Variants in LSS observed in about 807,000 individuals in gnomAD.
LSS encodes the protein 2,3-epoxysqualene-lanosterol cyclase.
A neutral mutation model predicts 110.3 loss-of-function variants in LSS; 90 were observed. The ratio of observed to expected loss-of-function variants is 0.82; its 90% confidence interval spans 0.69 to 0.97. The LOEUF is 0.97. Among genes scored for constraint, LSS ranks in the 50% least tolerant of loss-of-function variants. LSS has a pLI of 0.00. For synonymous variants in LSS, 433 were observed against 400.0 expected, an observed-to-expected ratio of 1.08 and a Z score of -0.98; for missense variants, 927 against 990.0, an observed-to-expected ratio of 0.94 and a Z score of 0.85.
chr21:46,192,005 C>T, intron 20 of LSS, 46 bp from the exon 21 acceptor site: 8 of 1,346,286 alleles, frequency 5.9e-6, no homozygotes, highest in African/African-American at 1.4e-5. Flanking sequence ...CATGCCCCCA[C>T]AGCATCATCC....
In LSS at chr21:46,190,756, G is replaced by T. The variant is rs1034136621; in HGVS notation, c.*348C>A. On this transcript the variant is annotated 3_prime_UTR_variant, in exon 22 of 22. Transcript: ENST00000397728. This position sits in a 1 kb window ranked among gnomAD's most constrained non-coding sequence, Gnocchi z 4.6. ...ACAGGCACAGCTGCTCCTCTCCCAA[G>T]AACTCAGCTATTGGTCAGAAAAAAC... The T allele has an allele frequency of 1.9e-5, 5 of 268,352 alleles. No individual in the cohort carries two copies. The highest frequency in any genetic ancestry group is 6.3e-5 in the South Asian group (1 of 15,860). 16.6% of individuals were successfully genotyped at this position (268,352 alleles called of 1,614,324 possible).
chr21:46,213,932 A>T, intron 9 of LSS, 97 bp from the exon 10 acceptor site: 1 of 842,252 alleles, frequency 1.2e-6, no homozygotes, highest in Non-Finnish European at 2.0e-6. Context: ...CCCAGGCATA[A>T]AGTGCCGTGC....
rs972916211 is a variant in LSS at position 46,189,334 on chromosome 21, G to C, written c.*1770C>G. On this transcript the variant is annotated 3_prime_UTR_variant, in exon 22 of 22. Transcript: ENST00000397728. ...TCTGTCCTGCTGCTACCCCACGTGGGGGAGAACACGTGGGCTGAGAAAAAA... is the reference window on the plus strand; with the variant it reads ...TCTGTCCTGCTGCTACCCCACGTGGCGGAGAACACGTGGGCTGAGAAAAAA... The C allele has an allele frequency of 3.6e-6, 1 of 278,448 alleles. No individual in the cohort carries two copies. Among genetic ancestry groups the C allele is most frequent in the Admixed American group, 5.0e-5 (1 of 19,860 alleles). 17.2% of individuals were successfully genotyped at this position (278,448 alleles called of 1,614,324 possible). A position where few individuals can be genotyped will look rare whatever the true frequency, so the allele number is the denominator to read the frequency against.
intron 21 of LSS, among the ~76,000 whole-genome samples, chr21:46,191,634 C>T (rs994658277): frequency 6.6e-6 from 1 of 152,218 alleles, no homozygotes; most frequent in Non-Finnish European, 1.5e-5. Context: ...GCTTCCCGCC[C>T]ACTGGCTTCT....
rs765337677 is a variant in LSS at position 46,216,995 on chromosome 21, C to T, written c.648-471G>A. ...GGCACGGTGGCTCACGCCTGTAACC[C>T]TAGCACTTTGGGAGGCCGAGGCTGG... On this transcript the variant is annotated intron_variant, in intron 6 of 21. Coordinates refer to ENST00000397728, the MANE Select transcript of LSS (RefSeq NM_002340.6). This position sits in a 1 kb window ranked among gnomAD's most constrained non-coding sequence, Gnocchi z 4.2. Among the ~76,000 whole-genome samples, 4 of 152,062 alleles carry T rather than the reference C, an allele frequency of 2.6e-5. No homozygotes were observed. Among genetic ancestry groups the T allele is most frequent in the Non-Finnish European group, 5.9e-5 (4 of 68,010 alleles).
At chr21:46,207,967 T>C (rs1192220805) in intron 14 of LSS, among the ~76,000 whole-genome samples, 1 of 152,256 alleles carries the variant, frequency 6.6e-6, no homozygotes, top group Non-Finnish European at 1.5e-5. Flanking sequence ...CCGGACACAC[T>C]GGCTACACTT....
intron 15 of LSS, among the ~76,000 whole-genome samples, chr21:46,207,136 C>G (rs934895758): frequency 1.3e-5 from 2 of 152,238 alleles, no homozygotes; most frequent in Non-Finnish European, 2.9e-5. Flanking sequence ...CTTCAGACAC[C>G]CAGTGGAAAC....
At chr21:46,208,432 C>G in intron 13 of LSS, 131 bp from the exon 14 acceptor site, 1 of 794,486 alleles carries the variant, frequency 1.3e-6, no homozygotes, top group Non-Finnish European at 2.1e-6. Context: ...ACTCTGCCGG[C>G]CACAGCCACC....
chr21:46,205,257 G>A (rs879931341), intron 17 of LSS, among the ~76,000 whole-genome samples: 4 of 151,908 alleles, frequency 2.6e-5, no homozygotes, highest in African/African-American at 4.8e-5. Context: ...GGGAGAGAAC[G>A]CTGCTGTTAC....
rs150430075 is a variant in LSS, at chr21:46,222,664, G to A, written c.394C>T (p.Arg132Trp). Residue 132 changes from arginine to tryptophan, a missense_variant, in exon 4 of 22, where the codon CGG becomes TGG. Coordinates refer to ENST00000397728, the MANE Select transcript of LSS (RefSeq NM_002340.6). Reference protein sequence around the residue: ...GYREEIVRYLRSVQLPDGGWG... With the variant: ...GYREEIVRYLWSVQLPDGGWG... Reference sequence around the variant, plus strand: ...CCACCGTCAGGGAGCTGCACTGACCGCAGGTACCGCACAATCTCTTCTCTG... The same window carrying A: ...CCACCGTCAGGGAGCTGCACTGACCACAGGTACCGCACAATCTCTTCTCTG... 112 of 1,613,628 alleles carry A rather than the reference G, an allele frequency of 6.9e-5. 1 individual carries two copies. Among genetic ancestry groups the A allele is most frequent in the East Asian group, 4.5e-5 (2 of 44,900 alleles).
chr21:46,197,982 T>G (rs1262121176), intron 17 of LSS, among the ~76,000 whole-genome samples: 1 of 152,228 alleles, frequency 6.6e-6, no homozygotes, highest in Admixed American at 6.5e-5. Context: ...CAAAGGTGTC[T>G]TAACATTAGA....
chr21:46,202,378 A>T (rs1438158226), intron 17 of LSS, among the ~76,000 whole-genome samples: 2 of 144,968 alleles, frequency 1.4e-5, no homozygotes, highest in African/African-American at 5.0e-5. Flanking sequence ...TGGGCGACAG[A>T]GCGAGACTCC....
At chr21:46,197,057 C>T (rs1008643895) in intron 17 of LSS, among the ~76,000 whole-genome samples, 9 of 152,218 alleles carry the variant, frequency 5.9e-5, no homozygotes, top group African/African-American at 2.2e-4. Context: ...GGACGACCTG[C>T]GAGGCCGCGC....
intron 8 of LSS, 102 bp from the exon 9 acceptor site, chr21:46,215,400 C>T (rs1792789180): frequency 2.2e-5 from 13 of 584,614 alleles, no homozygotes; most frequent in Non-Finnish European, 3.8e-5. Flanking sequence ...CCAGGGTTTC[C>T]CCCTCCCACC....
chr21:46,215,267 A>C lies in LSS; in HGVS notation c.924T>G (p.Ser308Arg), dbSNP rs754439378. The C allele has an allele frequency of 6.2e-7, 1 of 1,610,526 alleles. No homozygotes were observed. The highest frequency in any genetic ancestry group is 8.5e-7 in the Non-Finnish European group (1 of 1,179,772). ...GCACGGCCCGCTGCCGCAGGTGGGC[A>C]CTGTGGTGGTGCTCATACAGGTTGA... ...ALLNLYEHHH[S>R]AHLRQRAVQK... The change falls in exon 9 of 22, where the codon AGT becomes AGG. Residue 308 changes from serine to arginine, a missense_variant. By Grantham distance (110) the Ser-to-Arg change is moderately radical. Transcript: ENST00000397728.
Position 46,210,752 on chromosome 21 carries a change from C to T in LSS, c.1138-8G>A. 6.2e-7 allele frequency: 1 copy of T among 1,613,838 alleles called. No homozygotes were observed. The highest frequency in any genetic ancestry group is 8.5e-7 in the Non-Finnish European group (1 of 1,179,860). Reference sequence around the variant, plus strand: ...CTGTGAGCCGTTGGTGCCCTACACACAAAGGATGGTGTTACAGCAGCAGAT... The same window carrying T: ...CTGTGAGCCGTTGGTGCCCTACACATAAAGGATGGTGTTACAGCAGCAGAT... On this transcript the variant is annotated splice_polypyrimidine_tract_variant and splice_region_variant and intron_variant, in intron 11 of 21. Transcript: ENST00000397728.
chr21:46,223,874 C>T (rs1039152276), intron 3 of LSS, among the ~76,000 whole-genome samples: 16 of 152,252 alleles, frequency 1.1e-4, no homozygotes, highest in Admixed American at 3.3e-4. Flanking sequence ...GGTGGTCTAG[C>T]GGTAGCGAAA....
At chr21:46,226,486 C>G (rs1434633428) in intron 3 of LSS, among the ~76,000 whole-genome samples, 1 of 152,210 alleles carries the variant, frequency 6.6e-6, no homozygotes, top group Admixed American at 6.5e-5. Flanking sequence ...CAGAAAAACT[C>G]AATGCTGTAC....
intron 20 of LSS, 64 bp from the exon 21 acceptor site, chr21:46,192,023 C>G: frequency 8.1e-7 from 1 of 1,241,970 alleles, no homozygotes; most frequent in Non-Finnish European, 1.2e-6. Flanking sequence ...TCCTCACCCT[C>G]ACACAGCCGA....
Sources: allele counts gnomAD v4.1 joint callset (sites outside exome capture counted in the v4.1 genomes callset), GRCh38; gene constraint gnomAD v4.1.1; non-coding constraint Gnocchi (gnomAD v3.1); transcripts MANE v1.5; gene names NCBI Gene and HGNC (gene_info 2026-07-23, HGNC 2026-07-21).